FGD5: variants seen among roughly 807,000 people sequenced by gnomAD.
FGD5 encodes FYVE, RhoGEF and PH domain-containing protein 5.
FGD5 carries 28 observed loss-of-function variants against 133.4 expected under a neutral mutation model. The observed-to-expected ratio is 0.21, with a 90% CI of 0.16 to 0.29. The LOEUF (loss-of-function observed/expected upper bound fraction) is 0.29, where lower values mean the gene tolerates loss of function less well. FGD5 is among the 10% of genes least tolerant of loss of function. The probability of loss-of-function intolerance (pLI) is 1.00; values close to 1 mark genes in which losing one functional copy is unlikely to be tolerated. For synonymous variants in FGD5, 810 were observed against 776.5 expected, an observed-to-expected ratio of 1.04 and a Z score of -0.72; for missense variants, 1,858 against 1,895.2, an observed-to-expected ratio of 0.98 and a Z score of 0.36.
chr3:14,883,273 C>G (rs757602864), intron 4 of FGD5, among the ~76,000 whole-genome samples: 17 of 152,148 alleles, frequency 1.1e-4, no homozygotes, highest in Non-Finnish European at 2.2e-4. Flanking sequence ...ATGTGGGTCA[C>G]AAAGCTTAAA....
At chr3:14,882,552 G>A (rs186445820) in intron 4 of FGD5, among the ~76,000 whole-genome samples, 1 of 152,158 alleles carries the variant, frequency 6.6e-6, no homozygotes, top group East Asian at 1.9e-4. Flanking sequence ...ACAAAAATTA[G>A]CCAGGCATGG....
rs1292626233 is a variant in FGD5, at chr3:14,933,334, T to C, written c.*167T>C. The C allele has an allele frequency of 1.3e-5, 9 of 697,344 alleles. No individual in the cohort carries two copies. Among genetic ancestry groups the C allele is most frequent in the Non-Finnish European group, 2.3e-5 (9 of 394,056 alleles). The allele number at this position is 697,344 out of a possible 1,614,324, so 43.2% of individuals were successfully genotyped here. ...CCACTCCCCTGCCCTTGCCAACATC[T>C]TCATGAATGGAATCCTTAAGGGATA... On this transcript the variant is annotated 3_prime_UTR_variant, in exon 20 of 20. Coordinates refer to ENST00000285046, the MANE Select transcript of FGD5 (RefSeq NM_152536.4).
intron 16 of FGD5, chr3:14,923,466 C>A (rs146525419): frequency 6.2e-4 from 258 of 415,112 alleles, no homozygotes; most frequent in African/African-American, 2.7e-3. Flanking sequence ...ACCATAGAGG[C>A]CCTCTTGTCA....
chr3:14,900,793 G>A (rs1438097266), intron 8 of FGD5, among the ~76,000 whole-genome samples: 2 of 152,194 alleles, frequency 1.3e-5, no homozygotes, highest in Admixed American at 6.5e-5. Context: ...GGCTGTCCCT[G>A]TGTATCACCT....
chr3:14,934,343 TGG>T lies in FGD5; in HGVS notation c.*1178_*1179del, dbSNP rs765792289. ...CATAAAGCAAAGGGCATGTGAGGGG[TGG>T]GATTCCTTGTTACTCTTACTGCAAT... On this transcript the variant is annotated 3_prime_UTR_variant, in exon 20 of 20. Coordinates refer to ENST00000285046, the MANE Select transcript of FGD5 (RefSeq NM_152536.4). The T allele has an allele frequency of 5.9e-5, 9 of 152,008 alleles. No individual in the cohort carries two copies. Among genetic ancestry groups the T allele is most frequent in the Non-Finnish European group, 1.3e-4 (9 of 67,984 alleles). 9.4% of individuals were successfully genotyped at this position (152,008 alleles called of 1,614,324 possible). A position where few individuals can be genotyped will look rare whatever the true frequency, so the allele number is the denominator to read the frequency against.
At chr3:14,862,821 G>A (rs995224127) in intron 1 of FGD5, among the ~76,000 whole-genome samples, 1 of 151,932 alleles carries the variant, frequency 6.6e-6, no homozygotes, top group Non-Finnish European at 1.5e-5. Context: ...GCAGAGACAG[G>A]CCACCTTGTC....
chr3:14,894,298 A>G (rs1008414058), intron 4 of FGD5, among the ~76,000 whole-genome samples: 2 of 152,016 alleles, frequency 1.3e-5, no homozygotes, highest in Admixed American at 1.3e-4. Context: ...ATCCTTTTTT[A>G]TGGCTGAATA....
chr3:14,923,459 A>G (rs1575262545), intron 16 of FGD5: 1 of 430,726 alleles, frequency 2.3e-6, no homozygotes, highest in African/African-American at 2.0e-5. Context: ...GTCCTTTACC[A>G]TAGAGGCCCT....
rs114112583 is a variant in FGD5, at chr3:14,856,415, A to G, written c.2526-7713A>G. On this transcript the variant is annotated intron_variant, in intron 1 of 19. Transcript: ENST00000285046. ...AATTTCTGTTTCTGTGAAGAATGTC[A>G]TTAGTATTTTGATGGGGATTATGTT... 2.5e-3 allele frequency among the ~76,000 whole-genome samples: 378 copies of G among 152,248 alleles called. 5 individuals are homozygous for G. Among genetic ancestry groups the G allele is most frequent in the African/African-American group, 8.7e-3 (361 of 41,538 alleles).
At chr3:14,925,584 C>T (rs750552474) in intron 17 of FGD5, among the ~76,000 whole-genome samples, 14 of 152,086 alleles carry the variant, frequency 9.2e-5, no homozygotes, top group Non-Finnish European at 1.3e-4. Flanking sequence ...ATACTACTAC[C>T]CCCCGCCACC....
At chr3:14,826,759 C>A (rs990417838) in intron 1 of FGD5, among the ~76,000 whole-genome samples, 6 of 152,182 alleles carry the variant, frequency 3.9e-5, no homozygotes, top group Admixed American at 6.5e-5. Context: ...TTCTGTCTGT[C>A]TGTCTGTCTC....
intron 9 of FGD5, among the ~76,000 whole-genome samples, chr3:14,904,652 A>C (rs2038305793): frequency 6.6e-6 from 1 of 152,152 alleles, no homozygotes; most frequent in African/African-American, 2.4e-5. Flanking sequence ...TTGGATAATA[A>C]TACTAACAGC....
At chr3:14,913,052 C>G (rs1440780518) in intron 11 of FGD5, among the ~76,000 whole-genome samples, 1 of 151,944 alleles carries the variant, frequency 6.6e-6, no homozygotes, top group African/African-American at 2.4e-5. Flanking sequence ...AAAAAAAATT[C>G]TCTCCATTGA....
In FGD5 at chr3:14,922,063, G is replaced by T; in HGVS notation, c.3669+46G>T. The T allele has an allele frequency of 6.5e-7, 1 of 1,537,958 alleles. No individual in the cohort carries two copies. Among genetic ancestry groups the T allele is most frequent in the Non-Finnish European group, 8.8e-7 (1 of 1,135,828 alleles). On this transcript the variant is annotated intron_variant, in intron 14 of 19. Coordinates refer to ENST00000285046, the MANE Select transcript of FGD5 (RefSeq NM_152536.4). The surrounding 1 kb of genome is among the most constrained non-coding windows in gnomAD (Gnocchi z 4.1). ...CACGGGCCACCAGCTTCAGAGACCT[G>T]GGGTTCCCTGGGCGGGCATTGCTGT...
At chr3:14,871,066 C>G (rs999021852) in intron 2 of FGD5, among the ~76,000 whole-genome samples, 1 of 152,234 alleles carries the variant, frequency 6.6e-6, no homozygotes, top group African/African-American at 2.4e-5. Context: ...GCTCCCTGCC[C>G]TTTGCCTGGC....
chr3:14,885,848 G>A (rs1242979480), intron 4 of FGD5, among the ~76,000 whole-genome samples: 1 of 152,178 alleles, frequency 6.6e-6, no homozygotes, highest in Non-Finnish European at 1.5e-5. Flanking sequence ...CCTATTCAAT[G>A]GGAGGAATAT....
chr3:14,850,703 G>A (rs754273515), intron 1 of FGD5, among the ~76,000 whole-genome samples: 1 of 148,636 alleles, frequency 6.7e-6, no homozygotes, highest in African/African-American at 2.5e-5. Flanking sequence ...TGGAGTCGTT[G>A]TAGTAAACTG....
chr3:14,896,159 G>C (rs753273056), intron 4 of FGD5, among the ~76,000 whole-genome samples: 1 of 152,202 alleles, frequency 6.6e-6, no homozygotes, highest in Non-Finnish European at 1.5e-5. Flanking sequence ...ATGCGAAGAT[G>C]TTCCATGCTC....
chr3:14,810,883 C>T, intron 1 of FGD5: 2 of 985,190 alleles, frequency 2.0e-6, no homozygotes, highest in Non-Finnish European at 2.4e-6. Context: ...GCCCGGCGAC[C>T]TCCGGCGCCG....
Sources: allele counts gnomAD v4.1 joint callset (sites outside exome capture counted in the v4.1 genomes callset), GRCh38; gene constraint gnomAD v4.1.1; non-coding constraint Gnocchi (gnomAD v3.1); transcripts MANE v1.5; gene names NCBI Gene and HGNC (gene_info 2026-07-23, HGNC 2026-07-21).